The following SSC4D variants were observed in gnomAD, a reference collection of about 807,000 sequenced individuals.
SSC4D encodes the protein scavenger receptor cysteine-rich domain-containing group B protein.
Under a neutral mutation model 63.4 loss-of-function variants are expected in SSC4D, and 57 were observed. The ratio of observed to expected loss-of-function variants is 0.90; its 90% CI spans 0.73 to 1.12. The LOEUF (loss-of-function observed/expected upper bound fraction) is 1.12, where lower values mean the gene tolerates loss of function less well. Among genes scored for constraint, SSC4D ranks in the 50% most tolerant of loss-of-function variants. The pLI, the probability that SSC4D is intolerant of heterozygous loss-of-function variation, is 0.00. For synonymous variants in SSC4D, 352 were observed against 345.4 expected, an observed-to-expected ratio of 1.02 and a Z score of -0.21; for missense variants, 791 against 806.4, an observed-to-expected ratio of 0.98 and a Z score of 0.23.
chr7:76,399,974 C>G (rs76789823), intron 4 of SSC4D, among the ~76,000 whole-genome samples: 27,780 of 152,112 alleles, frequency 0.18, 2,719 homozygotes, highest in South Asian at 0.25. Flanking sequence ...CGGGACCAAA[C>G]AGTGAGACCT....
At position 76,397,670 on chromosome 7, in the gene SSC4D, G is replaced by C; in HGVS notation, c.716C>G (p.Thr239Ser). Residue 239 changes from threonine to serine, a missense_variant, in exon 6 of 11, where the codon ACC (threonine) becomes AGC (serine). By Grantham distance (58) the Thr-to-Ser change is moderately conservative. Coordinates refer to ENST00000275560, the MANE Select transcript of SSC4D (RefSeq NM_080744.2). The stretch of plus-strand genomic sequence containing the variant: ...GCCATAGCCGAAGAAGGCGTTGGTG[G>C]TGGCGGCCATGGCCGCCCCGCAGCC... ...QLGCGAAMAA[T>S]TNAFFGYGTG... The C allele has an allele frequency of 3.1e-6, 5 of 1,613,518 alleles. No homozygotes were observed. Among genetic ancestry groups the C allele is most frequent in the South Asian group, 1.1e-5 (1 of 91,082 alleles).
intron 6 of SSC4D, among the ~76,000 whole-genome samples, chr7:76,395,786 G>A (rs1804623613): frequency 1.3e-5 from 2 of 152,354 alleles, no homozygotes; most frequent in South Asian, 4.1e-4. Flanking sequence ...CCGCCTCCCA[G>A]GTTCAAGCGA....
In SSC4D at chr7:76,400,563, G is replaced by C. The variant is rs769474587; in HGVS notation, c.198C>G (p.Arg66=). 1.0e-5 allele frequency: 15 copies of C among 1,492,596 alleles called. No homozygotes were observed. The South Asian group carries it at 2.0e-4, about 20-fold the overall frequency. 92.5% of individuals were successfully genotyped at this position (1,492,596 alleles called of 1,614,324 possible). A position where few individuals can be genotyped will look rare whatever the true frequency, so the allele number is the denominator to read the frequency against. ...QELRLVGGPS[R]CRGRLEVMHG... Reference sequence around the variant, plus strand: ...GCATGACTTCCAGGCGGCCCCGGCAGCGGCTGGGGCCCCCCACCAGCCTCA... The same window carrying C: ...GCATGACTTCCAGGCGGCCCCGGCACCGGCTGGGGCCCCCCACCAGCCTCA... Residue 66 remains arginine, a synonymous_variant, in exon 4 of 11, where the codon CGC becomes CGG. Coordinates refer to ENST00000275560, the MANE Select transcript of SSC4D (RefSeq NM_080744.2).
chr7:76,396,303 G>T (rs1218211438), intron 6 of SSC4D, among the ~76,000 whole-genome samples: 1 of 152,168 alleles, frequency 6.6e-6, no homozygotes, highest in Non-Finnish European at 1.5e-5. Context: ...GTTTACCATT[G>T]CCGTGGCAAC....
intron 2 of SSC4D, among the ~76,000 whole-genome samples, chr7:76,403,568 C>T (rs1044464784): frequency 3.3e-5 from 5 of 150,982 alleles, no homozygotes; most frequent in African/African-American, 1.2e-4. Flanking sequence ...GAACTCCTGA[C>T]CTCATGATCC....
At chr7:76,394,802 A>G (rs1804595907) in intron 7 of SSC4D, among the ~76,000 whole-genome samples, 1 of 145,990 alleles carries the variant, frequency 6.8e-6, no homozygotes, top group African/African-American at 2.5e-5. Flanking sequence ...ATATATAAAT[A>G]TATAAAATAT....
intron 9 of SSC4D, among the ~76,000 whole-genome samples, chr7:76,393,181 C>G (rs1285747561): frequency 6.6e-6 from 1 of 152,182 alleles, no homozygotes. Context: ...GCGGCGCTCA[C>G]CAGGCCCCGC....
Position 76,390,244 on chromosome 7 carries a change from C to T in SSC4D, c.1543G>A (p.Gly515Ser). The change falls in exon 11 of 11, where the codon GGC becomes AGC. Residue 515 changes from glycine to serine, a missense_variant. Coordinates refer to ENST00000275560, the MANE Select transcript of SSC4D (RefSeq NM_080744.2). ...RAAGVLCRQL[G>S]CGQALAAPGE... ...GGGGCTGCGAGGGCCTGGCCACAGC[C>T]CAGCTGGCGGCACAGGACACCGGCT... The T allele has an allele frequency of 1.2e-6, 2 of 1,613,996 alleles. No homozygotes were observed. The highest frequency in any genetic ancestry group is 1.7e-6 in the Non-Finnish European group (2 of 1,179,952).
At chr7:76,395,097 T>A (rs1804605614) in intron 7 of SSC4D, among the ~76,000 whole-genome samples, 156 bp downstream of exon 7, 1 of 152,086 alleles carries the variant, frequency 6.6e-6, no homozygotes, top group Admixed American at 6.6e-5. Context: ...CCTTGCTCCG[T>A]CTGCTCATAA....
chr7:76,395,458 GC>G, intron 6 of SSC4D, 128 bp from the exon 7 acceptor site: 1 of 916,426 alleles, frequency 1.1e-6, no homozygotes, highest in Non-Finnish European at 1.7e-6. Flanking sequence ...AGGGCTGGTG[GC>G]CCAGCCGCAG....
chr7:76,403,843 G>A (rs555831499), intron 2 of SSC4D, among the ~76,000 whole-genome samples: 33 of 151,588 alleles, frequency 2.2e-4, no homozygotes, highest in African/African-American at 7.8e-4. Flanking sequence ...TGTATTTTTA[G>A]TAGGGACGCG....
In SSC4D at chr7:76,395,350, G is replaced by A; in HGVS notation, c.869-20C>T. ...CCAGGCCTAGGGCAGGAGAGAAGGG[G>A]GCAGGGTCAGAGGCTGAGATTCTGG... On this transcript the variant is annotated intron_variant, in intron 6 of 10. Transcript: ENST00000275560. 6.2e-7 allele frequency: 1 copy of A among 1,612,864 alleles called. No homozygotes were observed. The highest frequency in any genetic ancestry group is 8.5e-7 in the Non-Finnish European group (1 of 1,179,120).
chr7:76,390,257 C>G lies in SSC4D; in HGVS notation c.1530G>C (p.Leu510=), dbSNP rs1804465462. The part of the protein sequence containing the change: ...DAWDLRAAGV[L]CRQLGCGQAL... Reference sequence around the variant, plus strand: ...CCTGGCCACAGCCCAGCTGGCGGCACAGGACACCGGCTGCCCGCAGGTCCC... The same window carrying G: ...CCTGGCCACAGCCCAGCTGGCGGCAGAGGACACCGGCTGCCCGCAGGTCCC... Residue 510 remains leucine, a synonymous_variant, in exon 11 of 11, where the codon CTG becomes CTC. Coordinates refer to ENST00000275560, the MANE Select transcript of SSC4D (RefSeq NM_080744.2). 3 of 1,613,978 alleles carry G rather than the reference C, an allele frequency of 1.9e-6. No individual in the cohort carries two copies. The highest frequency in any genetic ancestry group is 2.5e-6 in the Non-Finnish European group (3 of 1,179,954).
At chr7:76,394,401 C>A (rs1374426284) in intron 7 of SSC4D, among the ~76,000 whole-genome samples, 1 of 145,052 alleles carries the variant, frequency 6.9e-6, no homozygotes, top group Non-Finnish European at 1.5e-5. Flanking sequence ...CCCACCATGC[C>A]CAGCTAATTT....
At chr7:76,405,343 T>TTTC (rs1804985262) in intron 1 of SSC4D, among the ~76,000 whole-genome samples, 2 of 37,190 alleles carry the variant, frequency 5.4e-5, no homozygotes, top group African/African-American at 3.2e-4. Context: ...TTCTTTCTTT[T>TTTC]TTTTTTTTTT....
At position 76,400,442 on chromosome 7, in the gene SSC4D, C is replaced by A. The variant is rs200166313; in HGVS notation, c.319G>T (p.Val107Leu). The change falls in exon 4 of 11, where the codon GTG becomes TTG. Residue 107 changes from valine (V) to leucine (L), a missense_variant. Coordinates refer to ENST00000275560, the MANE Select transcript of SSC4D (RefSeq NM_080744.2). ...RQLGCGLALP[V>L]PRPLAFGQGR... ...TGGCCAAAGGCAAGGGGCCGTGGCA[C>A]GGGCAGTGCCAGGCCACAGCCCAGC... 1.9e-6 allele frequency: 3 copies of A among 1,607,426 alleles called. No homozygotes were observed. In the South Asian group the frequency reaches 3.3e-5, roughly 18 times the overall value.
At chr7:76,406,630 T>G (rs6944415) in intron 1 of SSC4D, among the ~76,000 whole-genome samples, 3 of 151,674 alleles carry the variant, frequency 2.0e-5, no homozygotes, top group African/African-American at 7.3e-5. Flanking sequence ...ACTGCAGGCT[T>G]GCACCACCAC....
rs1367928507 is a variant in SSC4D, at chr7:76,393,709, C to T, written c.1029G>A (p.Arg343=). Residue 343 remains arginine, a synonymous_variant, in exon 9 of 11, where the codon CGG becomes CGA. Coordinates refer to ENST00000275560, the MANE Select transcript of SSC4D (RefSeq NM_080744.2). ...AAWAAGKKSG[R]LRLVGGPGPC... ...GACCCGGGCCGCCCACCAGTCGCAG[C>T]CGTCCACCTGCGGGGCGCACAGGCC... 2 of 1,392,686 alleles carry T rather than the reference C, an allele frequency of 1.4e-6. No individual in the cohort carries two copies. Among genetic ancestry groups the T allele is most frequent in the Non-Finnish European group, 1.9e-6 (2 of 1,080,890 alleles). 86.3% of individuals were successfully genotyped at this position (1,392,686 alleles called of 1,614,324 possible). A position where few individuals can be genotyped will look rare whatever the true frequency, so the allele number is the denominator to read the frequency against.
chr7:76,397,614 A>G lies in SSC4D; in HGVS notation c.772T>C (p.Cys258Arg), dbSNP rs764085193. 1 of 1,612,442 alleles carries G rather than the reference A, an allele frequency of 6.2e-7. No homozygotes were observed. The highest frequency in any genetic ancestry group is 1.1e-5 in the South Asian group (1 of 90,962). ...GCCAGGCGGGGCTCGCCGCCTTCGC[A>G]GTGCACGTTGTCCAGCAGGATGTGT... is the stretch of plus-strand genomic sequence containing the variant. ...TGHILLDNVHCEGGEPRLAAC... is the reference protein window; with the variant it reads ...TGHILLDNVHREGGEPRLAAC... Residue 258 changes from cysteine to arginine, a missense_variant, in exon 6 of 11, where the codon TGC becomes CGC. Physicochemically the swap from Cys to Arg is radical, Grantham distance 180 (BLOSUM62 -3). Coordinates refer to ENST00000275560, the MANE Select transcript of SSC4D (RefSeq NM_080744.2).
Sources: allele counts gnomAD v4.1 joint callset (sites outside exome capture counted in the v4.1 genomes callset), GRCh38; gene constraint gnomAD v4.1.1; transcripts MANE v1.5; gene names NCBI Gene and HGNC (gene_info 2026-07-23, HGNC 2026-07-21).